The following UBFD1 variants were observed in gnomAD, a reference collection of about 807,000 sequenced individuals.
UBFD1 encodes ubiquitin family domain containing 1.
A neutral mutation model predicts 35.1 loss-of-function variants in UBFD1; 12 were observed. The observed-to-expected ratio is 0.34, with a 90% CI of 0.22 to 0.55. The LOEUF (loss-of-function observed/expected upper bound fraction) is 0.55, where lower values mean the gene tolerates loss of function less well. Ranked by LOEUF, UBFD1 falls within the 20% of genes least tolerant of loss-of-function variation. UBFD1 has a pLI of 0.89. For synonymous variants in UBFD1, 178 were observed against 167.6 expected (o/e 1.06, Z -0.48); for missense variants, 337 against 410.8 (o/e 0.82, Z 1.55).
intron 3 of UBFD1, 191 bp downstream of exon 3, chr16:23,559,867 G>A: frequency 1.3e-6 from 2 of 1,533,778 alleles, no homozygotes; most frequent in Non-Finnish European, 8.7e-7. Flanking sequence ...CTCATCTGGC[G>A]GGTCAGTGTG....
intron 3 of UBFD1, 163 bp from the exon 4 acceptor site, chr16:23,562,040 TCTG>T: frequency 1.0e-5 from 6 of 602,502 alleles, no homozygotes; most frequent in South Asian, 2.2e-5. Flanking sequence ...CCCAGAAAGT[TCTG>T]CTGGACAGCA....
intron 6 of UBFD1, 46 bp from the exon 7 acceptor site, chr16:23,570,434 C>G: frequency 6.9e-7 from 1 of 1,456,656 alleles, no homozygotes; most frequent in Non-Finnish European, 9.6e-7. Flanking sequence ...CCTGCTTGGT[C>G]TCCCGACCTC....
intron 2 of UBFD1, 93 bp downstream of exon 2, chr16:23,558,372 A>G: frequency 6.8e-7 from 1 of 1,463,474 alleles, no homozygotes; most frequent in Non-Finnish European, 9.2e-7. Flanking sequence ...TCCTTGCATC[A>G]GGTCCCCCCA....
At chr16:23,557,922 G>T (rs774745705) in intron 1 of UBFD1, 28 bp from the exon 2 acceptor site, 2 of 1,299,286 alleles carry the variant, frequency 1.5e-6, no homozygotes, top group Non-Finnish European at 2.0e-6. Context: ...AGCCCGCGGC[G>T]AGCGCCCACC....
chr16:23,557,975 G>T lies in UBFD1; in HGVS notation c.51G>T (p.Thr17=). The part of the protein sequence containing the change: ...PDGMEEPGMD[T]EAETVATEAP... ...GCATGGAGGAACCTGGCATGGACAC[G>T]GAGGCCGAGACTGTGGCTACTGAGG... Residue 17 remains threonine, a synonymous_variant, in exon 2 of 7, where the codon ACG becomes ACT. Coordinates refer to ENST00000395878, the MANE Select transcript of UBFD1 (RefSeq NM_019116.3). 7.3e-7 allele frequency: 1 copy of T among 1,364,784 alleles called. No homozygotes were observed. The highest frequency in any genetic ancestry group is 9.4e-7 in the Non-Finnish European group (1 of 1,061,388). The allele number at this position is 1,364,784 out of a possible 1,614,324, so 84.5% of individuals were successfully genotyped here. A position where few individuals can be genotyped will look rare whatever the true frequency, so the allele number is the denominator to read the frequency against.
rs1355939619 is a variant in UBFD1 at position 23,571,775 on chromosome 16, G to A, written c.*1185G>A. 1 of 152,646 alleles carries A rather than the reference G, an allele frequency of 6.6e-6. No homozygotes were observed. Among genetic ancestry groups the A allele is most frequent in the African/African-American group, 2.4e-5 (1 of 41,462 alleles). 9.5% of individuals were successfully genotyped at this position (152,646 alleles called of 1,614,324 possible). A position where few individuals can be genotyped will look rare whatever the true frequency, so the allele number is the denominator to read the frequency against. On this transcript the variant is annotated 3_prime_UTR_variant, in exon 7 of 7. Coordinates refer to ENST00000395878, the MANE Select transcript of UBFD1 (RefSeq NM_019116.3). ...CAGTGTTATTGAACAACAAAAATGGGATAAATTGCTTTCATGATTAGCTCA... is the reference window on the plus strand; with the variant it reads ...CAGTGTTATTGAACAACAAAAATGGAATAAATTGCTTTCATGATTAGCTCA...
At position 23,573,720 on chromosome 16, in the gene UBFD1, T is replaced by C. The variant is rs1396017181; in HGVS notation, c.*3130T>C. On this transcript the variant is annotated 3_prime_UTR_variant, in exon 7 of 7. Coordinates refer to ENST00000395878, the MANE Select transcript of UBFD1 (RefSeq NM_019116.3). ...TTGCCATGTCTCAGAAAAGTTGCCA[T>C]ATTTCACCCAGAAGGGGCTTGTTTT... 6.5e-6 allele frequency: 1 copy of C among 152,684 alleles called. No individual in the cohort carries two copies. Among genetic ancestry groups the C allele is most frequent in the African/African-American group, 2.4e-5 (1 of 41,450 alleles). The allele number at this position is 152,684 out of a possible 1,614,324, so 9.5% of individuals were successfully genotyped here.
rs1597035543 is a variant in UBFD1 at position 23,558,610 on chromosome 16, G to T, written c.355+331G>T. 2.0e-5 allele frequency among the ~76,000 whole-genome samples: 3 copies of T among 152,160 alleles called. No individual in the cohort carries two copies. In the South Asian group the frequency reaches 6.2e-4, roughly 31 times the overall value. ...TTCCCAGGAGATTCTGATTCAGTGGGTCTGGGATGTAGCCAGGAATTTATT... is the reference window on the plus strand; with the variant it reads ...TTCCCAGGAGATTCTGATTCAGTGGTTCTGGGATGTAGCCAGGAATTTATT... On this transcript the variant is annotated intron_variant, in intron 2 of 6. Transcript: ENST00000395878.
chr16:23,563,607 T>G (rs1201426840), intron 5 of UBFD1, among the ~76,000 whole-genome samples: 5 of 152,242 alleles, frequency 3.3e-5, no homozygotes, highest in Non-Finnish European at 7.3e-5. Context: ...CCTGTCCATC[T>G]TACCTACTGC....
At chr16:23,559,203 A>G in intron 2 of UBFD1, 1 of 332,810 alleles carries the variant, frequency 3.0e-6, no homozygotes, top group South Asian at 3.4e-5. Flanking sequence ...TTACTGAACA[A>G]TTATTCAATG....
chr16:23,559,733 C>T (rs960541215), intron 3 of UBFD1, 57 bp downstream of exon 3: 23 of 1,607,284 alleles, frequency 1.4e-5, no homozygotes, highest in Non-Finnish European at 2.0e-5. Flanking sequence ...TCCTCTTGAG[C>T]CGTGGCTGGT....
In UBFD1 at chr16:23,572,901, C is replaced by G. The variant is rs1272043719; in HGVS notation, c.*2311C>G. The G allele has an allele frequency of 6.6e-6, 1 of 152,240 alleles. No homozygotes were observed. Among genetic ancestry groups the G allele is most frequent in the Admixed American group, 6.5e-5 (1 of 15,280 alleles). 9.4% of individuals were successfully genotyped at this position (152,240 alleles called of 1,614,324 possible). ...TGAGCTCTGTGGCTCCTCACCCTGTCTGCATGGAAGACCTTGCTGGACGCT... is the reference window on the plus strand; with the variant it reads ...TGAGCTCTGTGGCTCCTCACCCTGTGTGCATGGAAGACCTTGCTGGACGCT... On this transcript the variant is annotated 3_prime_UTR_variant, in exon 7 of 7. Transcript: ENST00000395878.
chr16:23,558,298 A>C lies in UBFD1; in HGVS notation c.355+19A>C, dbSNP rs748764738. ...ATTACAGGTAATTCCTGTGGCGCTG[A>C]CAGCCAGTCTTCCCCACCCCGCCTC... On this transcript the variant is annotated intron_variant, in intron 2 of 6. Coordinates refer to ENST00000395878, the MANE Select transcript of UBFD1 (RefSeq NM_019116.3). 3 of 1,592,334 alleles carry C rather than the reference A, an allele frequency of 1.9e-6. No homozygotes were observed. The highest frequency in any genetic ancestry group is 8.5e-7 in the Non-Finnish European group (1 of 1,170,404).
rs1358369978 is a variant in UBFD1, at chr16:23,559,668, A to G, written c.556A>G (p.Arg186Gly). 1 of 1,614,248 alleles carries G rather than the reference A, an allele frequency of 6.2e-7. No homozygotes were observed. Residue 186 changes from arginine to glycine, a missense_variant, in exon 3 of 7, where the codon AGG becomes GGG. Around this residue, in one of 4 missense-constraint regions of UBFD1, gnomAD observed 44 missense variants for 39.2 expected, o/e 1.12. Transcript: ENST00000395878. ...AEENKKEPLC[R>G]QKQHRKVLDK... is the part of the protein sequence containing the mutation. ...AGAGAACAAGAAGGAGCCTCTCTGC[A>G]GGCAGAAAGTGAGTCCATCTTGTGC... is the stretch of plus-strand genomic sequence containing the variant.
At chr16:23,561,317 C>G (rs1965929972) in intron 3 of UBFD1, among the ~76,000 whole-genome samples, 1 of 152,162 alleles carries the variant, frequency 6.6e-6, no homozygotes, top group Admixed American at 6.5e-5. Flanking sequence ...CTGCCTAGTG[C>G]TTACATTTGA....
intron 3 of UBFD1, chr16:23,561,865 T>A: frequency 5.2e-6 from 1 of 192,116 alleles, no homozygotes; most frequent in Non-Finnish European, 1.0e-5. Flanking sequence ...AATCTGGAAA[T>A]CCCGTTTGCT....
chr16:23,564,308 G>C (rs1023931388), intron 5 of UBFD1, among the ~76,000 whole-genome samples: 1 of 152,134 alleles, frequency 6.6e-6, no homozygotes, highest in African/African-American at 2.4e-5. Context: ...TTGTTAAAAT[G>C]AACAAAAATT....
intron 5 of UBFD1, chr16:23,565,692 A>G (rs1223637158): frequency 6.6e-6 from 1 of 152,126 alleles, no homozygotes; most frequent in Admixed American, 6.6e-5. Context: ...CTGAAGTAAA[A>G]TGTCTTAAGT....
In UBFD1 at chr16:23,562,243, A is replaced by G; in HGVS notation, c.602A>G (p.Asp201Gly). ...GTGTTGGATAAAGGAAAACCTGAAG[A>G]TGTGATGCCATCTGTTAAGGGGGCC... ...RKVLDKGKPE[D>G]VMPSVKGAQE... Residue 201 changes from aspartate (D) to glycine (G), a missense_variant, in exon 4 of 7, where the codon GAT (aspartate) becomes GGT (glycine). By Grantham distance (94) the Asp-to-Gly change is moderately conservative. This residue lies in a region of UBFD1 where 71 missense variants were observed against 149.6 expected (regional missense o/e 0.47). Coordinates refer to ENST00000395878, the MANE Select transcript of UBFD1 (RefSeq NM_019116.3). The G allele has an allele frequency of 6.2e-7, 1 of 1,614,110 alleles. No individual in the cohort carries two copies. Among genetic ancestry groups the G allele is most frequent in the South Asian group, 1.1e-5 (1 of 91,078 alleles).
Sources: allele counts gnomAD v4.1 joint callset (sites outside exome capture counted in the v4.1 genomes callset), GRCh38; gene constraint gnomAD v4.1.1; regional missense constraint gnomAD v4.1.1; transcripts MANE v1.5; gene names NCBI Gene and HGNC (gene_info 2026-07-23, HGNC 2026-07-21).